The following PTPRR variants were observed in gnomAD, a reference collection of about 807,000 sequenced individuals.
PTPRR encodes receptor-type tyrosine-protein phosphatase R.
In PTPRR, 38 loss-of-function variants were observed where a neutral mutation model predicts 77.2. That is an observed-to-expected ratio of 0.49 (90% CI 0.38 to 0.65). The LOEUF is 0.65. Ranked by LOEUF, PTPRR falls within the 30% of genes least tolerant of loss-of-function variation. The pLI, the probability that PTPRR is intolerant of heterozygous loss-of-function variation, is 0.00. For synonymous variants in PTPRR, 299 were observed against 283.1 expected (o/e 1.06, Z -0.57); for missense variants, 744 against 799.2 (o/e 0.93, Z 0.83).
intron 10 of PTPRR, among the ~76,000 whole-genome samples, chr12:70,664,166 C>T (rs891984505): frequency 2.6e-5 from 4 of 152,184 alleles, no homozygotes; most frequent in Non-Finnish European, 4.4e-5. Context: ...TATTTACATG[C>T]CACCTGAGAC....
chr12:70,850,522 C>T (rs1032052946), intron 2 of PTPRR, among the ~76,000 whole-genome samples: 1 of 152,104 alleles, frequency 6.6e-6, no homozygotes, highest in Non-Finnish European at 1.5e-5. Flanking sequence ...ATTTCTATAT[C>T]TAAATCACAA....
chr12:70,806,967 A>G (rs1891721441), intron 2 of PTPRR, among the ~76,000 whole-genome samples: 1 of 152,160 alleles, frequency 6.6e-6, no homozygotes, highest in African/African-American at 2.4e-5. Context: ...CTAAGTACTC[A>G]TTTCTGCAGC....
intron 6 of PTPRR, among the ~76,000 whole-genome samples, chr12:70,714,751 G>A (rs1464657609): frequency 6.6e-6 from 1 of 152,154 alleles, no homozygotes; most frequent in Non-Finnish European, 1.5e-5. Context: ...TTGGGAGGCT[G>A]AGGCGGGCAG....
intron 7 of PTPRR, among the ~76,000 whole-genome samples, 198 bp from the exon 8 acceptor site, chr12:70,698,547 G>T (rs1888313150): frequency 6.6e-6 from 1 of 152,052 alleles, no homozygotes; most frequent in South Asian, 2.1e-4. Context: ...CTAAGAAACA[G>T]CTCTGTGTGT....
At chr12:70,851,909 C>G (rs913771889) in intron 2 of PTPRR, among the ~76,000 whole-genome samples, 15 of 152,090 alleles carry the variant, frequency 9.9e-5, no homozygotes, top group African/African-American at 3.1e-4. Flanking sequence ...TCATTTTTTT[C>G]AATTCTCTTT....
At chr12:70,886,676 G>A (rs1295751637) in intron 2 of PTPRR, among the ~76,000 whole-genome samples, 2 of 152,088 alleles carry the variant, frequency 1.3e-5, no homozygotes, top group Non-Finnish European at 2.9e-5. Context: ...AATGTAAAAC[G>A]AGATCATATA....
intron 4 of PTPRR, 53 bp downstream of exon 4, chr12:70,761,417 AT>A: frequency 6.9e-7 from 1 of 1,440,190 alleles, no homozygotes; most frequent in Non-Finnish European, 9.3e-7. Flanking sequence ...TTGAATTACC[AT>A]AGCATGCTAA....
At chr12:70,661,306 C>G in intron 11 of PTPRR, 1 of 642,894 alleles carries the variant, frequency 1.6e-6, no homozygotes, top group Non-Finnish European at 2.8e-6. Flanking sequence ...GAAAGTCATA[C>G]CTTTGTTGAG....
chr12:70,834,618 T>A (rs1397756084), intron 2 of PTPRR, among the ~76,000 whole-genome samples: 1 of 152,170 alleles, frequency 6.6e-6, no homozygotes, highest in African/African-American at 2.4e-5. Context: ...ATGATGAGAA[T>A]GTTATTAACT....
intron 1 of PTPRR, among the ~76,000 whole-genome samples, chr12:70,903,444 A>G (rs1893573179): frequency 6.6e-6 from 1 of 151,922 alleles, no homozygotes; most frequent in African/African-American, 2.4e-5. Context: ...AAATGAATTC[A>G]GAGAAAGTAT....
At chr12:70,659,192 C>T (rs1389592398) in intron 12 of PTPRR, among the ~76,000 whole-genome samples, 3 of 152,174 alleles carry the variant, frequency 2.0e-5, no homozygotes, top group Admixed American at 1.3e-4. Flanking sequence ...TGTGAGCTAC[C>T]GCACCTGGCC....
chr12:70,669,142 A>C (rs1332635897), intron 10 of PTPRR, among the ~76,000 whole-genome samples: 1 of 152,106 alleles, frequency 6.6e-6, no homozygotes, highest in Non-Finnish European at 1.5e-5. Context: ...ACCCTCTTTT[A>C]TTGTCTTTAC....
At chr12:70,722,101 G>T (rs1889278879) in intron 6 of PTPRR, among the ~76,000 whole-genome samples, 1 of 152,112 alleles carries the variant, frequency 6.6e-6, no homozygotes, top group African/African-American at 2.4e-5. Flanking sequence ...TGCGCCCCCC[G>T]TGGACGCTTC....
chr12:70,858,970 A>G (rs1565720676), intron 2 of PTPRR, among the ~76,000 whole-genome samples: 1 of 144,262 alleles, frequency 6.9e-6, no homozygotes, highest in Non-Finnish European at 1.5e-5. Flanking sequence ...TTTTTTTTAC[A>G]TTGGCTCTAA....
chr12:70,795,091 T>C (rs949370988), intron 2 of PTPRR, among the ~76,000 whole-genome samples: 6 of 152,106 alleles, frequency 3.9e-5, no homozygotes, highest in African/African-American at 1.2e-4. Context: ...CTAGTATGGC[T>C]AAGGCAATAT....
At chr12:70,902,213 G>A (rs1249181348) in intron 1 of PTPRR, among the ~76,000 whole-genome samples, 1 of 151,888 alleles carries the variant, frequency 6.6e-6, no homozygotes, top group Admixed American at 6.6e-5. Flanking sequence ...TAACACTGCT[G>A]GTGGGAATGT....
In PTPRR at chr12:70,684,789, G is replaced by A. The variant is rs1310207933; in HGVS notation, c.1280-6C>T. 6 of 1,577,818 alleles carry A rather than the reference G, an allele frequency of 3.8e-6. No individual in the cohort carries two copies. The highest frequency in any genetic ancestry group is 3.7e-5 in the Admixed American group (2 of 53,634). ...ACACACTCTGCTGAGGGGATCTAAT[G>A]AAGAAAACAAAAAAGAATATATTAA... On this transcript the variant is annotated splice_polypyrimidine_tract_variant and splice_region_variant and intron_variant, in intron 8 of 13. Coordinates refer to ENST00000283228, the MANE Select transcript of PTPRR (RefSeq NM_002849.4).
chr12:70,717,206 T>C (rs1565663087), intron 6 of PTPRR, among the ~76,000 whole-genome samples: 1 of 152,182 alleles, frequency 6.6e-6, no homozygotes, highest in Non-Finnish European at 1.5e-5. Context: ...TTTCTGATAC[T>C]CAATAATGAC....
At chr12:70,820,090 G>A (rs565887349) in intron 2 of PTPRR, among the ~76,000 whole-genome samples, 14 of 152,200 alleles carry the variant, frequency 9.2e-5, no homozygotes, top group Non-Finnish European at 1.6e-4. Context: ...AAAGCATACT[G>A]GCTGTGCGCA....
Sources: allele counts gnomAD v4.1 joint callset (sites outside exome capture counted in the v4.1 genomes callset), GRCh38; gene constraint gnomAD v4.1.1; transcripts MANE v1.5; gene names NCBI Gene and HGNC (gene_info 2026-07-23, HGNC 2026-07-21).